Variants in CHCHD6 observed in about 807,000 individuals in gnomAD.
The protein encoded by CHCHD6 is MICOS complex subunit MIC25.
In CHCHD6, 28 loss-of-function variants were observed where a neutral mutation model predicts 32.3. That is an observed-to-expected ratio of 0.87 (90% CI 0.64 to 1.19). CHCHD6 has a LOEUF of 1.19. Among genes scored for constraint, CHCHD6 ranks in the 50% most tolerant of loss-of-function variants. The pLI is 0.00. For missense variants in CHCHD6, 333 were observed against 307.0 expected (o/e 1.08, Z -0.63); for synonymous variants, 122 against 117.5 (o/e 1.04, Z -0.25).
chr3:126,786,900 A>G lies in CHCHD6; in HGVS notation c.411+53678A>G, dbSNP rs1217382748. Among the ~76,000 whole-genome samples, 3 of 152,282 alleles carry G rather than the reference A, an allele frequency of 2.0e-5. No individual in the cohort carries two copies. In the East Asian group the frequency reaches 5.8e-4, roughly 29 times the overall value. The stretch of plus-strand genomic sequence containing the variant: ...TGTTTTAGACATGAAGTCCTTGCCC[A>G]TGCCTATGTCCTGAATGGTATTGCC... On this transcript the variant is annotated intron_variant, in intron 4 of 7. Transcript: ENST00000290913.
chr3:126,723,056 G>A (rs1279727969), intron 1 of CHCHD6, among the ~76,000 whole-genome samples: 1 of 152,074 alleles, frequency 6.6e-6, no homozygotes, highest in African/African-American at 2.4e-5. Flanking sequence ...TGGTTGAAGA[G>A]ACCGCTCTTT....
intron 5 of CHCHD6, among the ~76,000 whole-genome samples, chr3:126,892,382 A>G (rs2077774833): frequency 6.6e-6 from 1 of 152,024 alleles, no homozygotes; most frequent in Non-Finnish European, 1.5e-5. Flanking sequence ...CCAGCCCCCG[A>G]CTCTATCCAG....
intron 5 of CHCHD6, among the ~76,000 whole-genome samples, chr3:126,876,952 C>T (rs1234439018): frequency 6.6e-6 from 1 of 152,176 alleles, no homozygotes; most frequent in Non-Finnish European, 1.5e-5. Context: ...GCAATGGAAT[C>T]TGAGCAGCAT....
rs559366733 is a variant in CHCHD6 at position 126,766,219 on chromosome 3, C to T, written c.411+32997C>T. Among the ~76,000 whole-genome samples the T allele has an allele frequency of 3.3e-5, 5 of 151,932 alleles. No homozygotes were observed. The South Asian group carries it at 8.3e-4, about 25-fold the overall frequency. ...TCAACTATCAGCAAGTATTTTAATT[C>T]GACATTAAAGGGAAAAAAACGTACT... On this transcript the variant is annotated intron_variant, in intron 4 of 7. Coordinates refer to ENST00000290913, the MANE Select transcript of CHCHD6 (RefSeq NM_032343.3).
chr3:126,885,600 T>C (rs1247979228), intron 5 of CHCHD6, among the ~76,000 whole-genome samples: 1 of 152,216 alleles, frequency 6.6e-6, no homozygotes, highest in Non-Finnish European at 1.5e-5. Context: ...TATGAGCTCT[T>C]TCAGAGAGTA....
At chr3:126,957,091 G>A (rs2078796362) in intron 6 of CHCHD6, 1 of 405,576 alleles carries the variant, frequency 2.5e-6, no homozygotes, top group Non-Finnish European at 4.6e-6. Flanking sequence ...CATCCTCATG[G>A]GGGCCCTCCA....
At chr3:126,917,221 C>A (rs938878872) in intron 6 of CHCHD6, among the ~76,000 whole-genome samples, 36 of 152,320 alleles carry the variant, frequency 2.4e-4, no homozygotes, top group African/African-American at 7.5e-4. Flanking sequence ...CTCTGCAAGG[C>A]GTTTCAACTC....
chr3:126,816,148 C>T (rs1939887643), intron 4 of CHCHD6, among the ~76,000 whole-genome samples: 1 of 152,128 alleles, frequency 6.6e-6, no homozygotes, highest in Admixed American at 6.5e-5. Context: ...CCATACCCAC[C>T]TCTAGGCCAG....
chr3:126,733,685 C>T (rs952827309), intron 4 of CHCHD6, among the ~76,000 whole-genome samples: 43 of 152,232 alleles, frequency 2.8e-4, no homozygotes, highest in African/African-American at 9.1e-4. Flanking sequence ...GCTTGAAGTT[C>T]GTGATGTTTA....
intron 5 of CHCHD6, among the ~76,000 whole-genome samples, chr3:126,889,867 G>A (rs755931585): frequency 2.6e-5 from 4 of 152,364 alleles, no homozygotes; most frequent in South Asian, 2.1e-4. Context: ...CGCAGAAAGC[G>A]TTCCAGCAGG....
At chr3:126,944,955 C>T (rs2078613968) in intron 6 of CHCHD6, among the ~76,000 whole-genome samples, 2 of 152,270 alleles carry the variant, frequency 1.3e-5, no homozygotes, top group South Asian at 4.1e-4. Context: ...TGAGAGGGGT[C>T]CCTGAGGGCA....
At chr3:126,822,280 A>G (rs1240229793) in intron 4 of CHCHD6, among the ~76,000 whole-genome samples, 2 of 152,208 alleles carry the variant, frequency 1.3e-5, no homozygotes, top group African/African-American at 4.8e-5. Flanking sequence ...ATTTGCATAT[A>G]GAAATTCAGT....
chr3:126,797,070 C>G (rs891389569), intron 4 of CHCHD6, among the ~76,000 whole-genome samples: 6 of 152,134 alleles, frequency 3.9e-5, no homozygotes, highest in Non-Finnish European at 8.8e-5. Flanking sequence ...CCTTCTTACC[C>G]CTGGAGGTGG....
At chr3:126,780,260 C>T in intron 4 of CHCHD6, 1 of 384,554 alleles carries the variant, frequency 2.6e-6, no homozygotes, top group South Asian at 2.1e-5. Context: ...TAGGGAAACA[C>T]CTAAGGGAGG....
rs551965877 is a variant in CHCHD6, at chr3:126,816,609, C to T, written c.412-36038C>T. On this transcript the variant is annotated intron_variant, in intron 4 of 7. Transcript: ENST00000290913. ...TTAGGGACGAGGGACAGAGAAGGTTCCCATGAGCTTGGTCTTGAGCAGATG... is the reference window on the plus strand; with the variant it reads ...TTAGGGACGAGGGACAGAGAAGGTTTCCATGAGCTTGGTCTTGAGCAGATG... 2.7e-4 allele frequency among the ~76,000 whole-genome samples: 41 copies of T among 152,226 alleles called. No homozygotes were observed. The South Asian group carries it at 7.7e-3, about 29-fold the overall frequency.
intron 4 of CHCHD6, among the ~76,000 whole-genome samples, chr3:126,808,203 G>C (rs1576442456): frequency 6.6e-6 from 1 of 152,152 alleles, no homozygotes; most frequent in African/African-American, 2.4e-5. Flanking sequence ...TGGATTAAGG[G>C]CCTCTGTTTC....
intron 5 of CHCHD6, among the ~76,000 whole-genome samples, chr3:126,854,043 G>A (rs1009226583): frequency 4.6e-5 from 7 of 152,126 alleles, no homozygotes; most frequent in Non-Finnish European, 1.0e-4. Context: ...TCTGTTTCAG[G>A]CAGAAAGGAA....
intron 4 of CHCHD6, among the ~76,000 whole-genome samples, chr3:126,763,007 T>C (rs1211141885): frequency 6.6e-6 from 1 of 152,236 alleles, no homozygotes; most frequent in Non-Finnish European, 1.5e-5. Context: ...ATTGGAGTGT[T>C]TAATACATTT....
At chr3:126,888,781 C>T (rs1035802038) in intron 5 of CHCHD6, among the ~76,000 whole-genome samples, 3 of 152,166 alleles carry the variant, frequency 2.0e-5, no homozygotes, top group South Asian at 2.1e-4. Context: ...CTCGTTTTCC[C>T]GTGGCCACAT....
Sources: gnomAD v4.1 joint callset for allele counts (sites outside exome capture counted in the v4.1 genomes callset) on GRCh38, gnomAD v4.1.1 for gene constraint, MANE v1.5 for transcripts, NCBI Gene and HGNC (gene_info 2026-07-23, HGNC 2026-07-21) for gene names.